The following PTK2 variants were observed in gnomAD, a reference collection of about 807,000 sequenced individuals.
The protein encoded by PTK2 is protein tyrosine kinase 2.
In PTK2, 45 loss-of-function variants were observed where a neutral mutation model predicts 150.1. That is an observed-to-expected ratio of 0.30 (90% CI 0.24 to 0.38). The LOEUF (loss-of-function observed/expected upper bound fraction) is 0.38. PTK2 is among the 10% of genes least tolerant of loss of function. The pLI is 1.00. For missense variants in PTK2, 919 were observed against 1,307.3 expected (o/e 0.70, Z 4.58); for synonymous variants, 432 against 449.2 (o/e 0.96, Z 0.48).
intron 1 of PTK2, among the ~76,000 whole-genome samples, chr8:140,959,839 C>T (rs1426857068): frequency 6.6e-6 from 1 of 151,682 alleles, no homozygotes; most frequent in Non-Finnish European, 1.5e-5. Flanking sequence ...CTGCCCCCCA[C>T]CACCCTCCTT....
At chr8:140,933,682 T>C (rs568946453) in intron 1 of PTK2, among the ~76,000 whole-genome samples, 27 of 152,298 alleles carry the variant, frequency 1.8e-4, no homozygotes, top group Admixed American at 1.6e-3. Flanking sequence ...TTATATAAAA[T>C]GTCCAGAATA....
At chr8:140,696,507 T>C (rs979723650) in intron 26 of PTK2, among the ~76,000 whole-genome samples, 1 of 152,168 alleles carries the variant, frequency 6.6e-6, no homozygotes, top group Non-Finnish European at 1.5e-5. Flanking sequence ...GAACTCCTAC[T>C]ATTCATAGGA....
intron 14 of PTK2, among the ~76,000 whole-genome samples, chr8:140,769,831 T>C (rs1036012576): frequency 2.0e-5 from 3 of 152,232 alleles, no homozygotes; most frequent in African/African-American, 7.2e-5. Context: ...TGTCAATGTA[T>C]TACATGAAGT....
intron 2 of PTK2, chr8:140,920,942 G>GCACACAA: frequency 6.8e-7 from 1 of 1,467,838 alleles, no homozygotes; most frequent in South Asian, 1.3e-5. Flanking sequence ...ATCAAGCCAG[G>GCACACAA]AGTCTGCACA....
At chr8:140,665,255 C>T (rs550060013) in intron 30 of PTK2, among the ~76,000 whole-genome samples, 81 of 152,204 alleles carry the variant, frequency 5.3e-4, no homozygotes, top group African/African-American at 1.8e-3. Context: ...CACACAGATG[C>T]TGAGGGTGGA....
At chr8:140,947,118 C>A (rs1042431753) in intron 1 of PTK2, among the ~76,000 whole-genome samples, 1 of 152,106 alleles carries the variant, frequency 6.6e-6, no homozygotes, top group African/African-American at 2.4e-5. Context: ...CTCAGTTGAA[C>A]CACAACACTC....
intron 7 of PTK2, among the ~76,000 whole-genome samples, chr8:140,844,454 A>G (rs180892926): frequency 2.0e-4 from 31 of 152,252 alleles, no homozygotes; most frequent in Admixed American, 1.8e-3. Flanking sequence ...TCAAGTATCT[A>G]TATTACTATG....
In PTK2 at chr8:140,902,924, G is replaced by GTTTTTTGT. The variant is rs2100159140; in HGVS notation, c.-32-12156_-32-12155insACAAAAAA. ...TTGCCTGTTCACTCTGATGAGAGTTGTTTTTTTTTTTTTTTTTTTTTTTTT... is the reference window on the plus strand; with the variant it reads ...TTGCCTGTTCACTCTGATGAGAGTTGTTTTTTGTTTTTTTTTTTTTTTTTTTTTTTTTT... On this transcript the variant is annotated intron_variant, in intron 2 of 31. Transcript: ENST00000522684. Among the ~76,000 whole-genome samples, 12 of 58,964 alleles carry GTTTTTTGT rather than the reference G, an allele frequency of 2.0e-4. 2 individuals carry two copies. The highest frequency in any genetic ancestry group is 3.4e-4 in the Non-Finnish European group (9 of 26,334). 38.7% of individuals were successfully genotyped at this position (58,964 alleles called of 152,430 possible).
chr8:140,697,136 GGAAAAAAA>G (rs1331314637), intron 26 of PTK2, among the ~76,000 whole-genome samples: 29 of 43,326 alleles, frequency 6.7e-4, no homozygotes, highest in Non-Finnish European at 9.8e-4. Context: ...CCTGTTTCCG[GGAAAAAAA>G]AAAAAAAAAA....
chr8:140,758,621 C>G (rs2100067316), intron 16 of PTK2, among the ~76,000 whole-genome samples: 1 of 151,506 alleles, frequency 6.6e-6, no homozygotes, highest in African/African-American at 2.4e-5. Flanking sequence ...GTGTTTGTGT[C>G]TTAGTTAAGA....
At chr8:140,782,871 C>T (rs1483640084) in intron 14 of PTK2, among the ~76,000 whole-genome samples, 1 of 152,102 alleles carries the variant, frequency 6.6e-6, no homozygotes, top group African/African-American at 2.4e-5. Flanking sequence ...GGGAAAAAAC[C>T]TTAATGGAAT....
At chr8:140,707,607 G>GT (rs1387691819) in intron 23 of PTK2, among the ~76,000 whole-genome samples, 4 of 152,130 alleles carry the variant, frequency 2.6e-5, no homozygotes, top group African/African-American at 7.2e-5. Context: ...GTTTTGCCAT[G>GT]TTGGCCAGGC....
chr8:140,775,939 C>T (rs146589587), intron 14 of PTK2, among the ~76,000 whole-genome samples: 11 of 152,328 alleles, frequency 7.2e-5, no homozygotes, highest in Non-Finnish European at 1.6e-4. Context: ...ACCTAAACCA[C>T]TAAAATATTA....
At chr8:140,862,929 A>C (rs1445191192) in intron 5 of PTK2, among the ~76,000 whole-genome samples, 1 of 152,198 alleles carries the variant, frequency 6.6e-6, no homozygotes, top group Non-Finnish European at 1.5e-5. Flanking sequence ...GTAAAGCAGC[A>C]GGCCCCAACC....
chr8:140,692,635 A>G (rs967528443), intron 26 of PTK2, among the ~76,000 whole-genome samples: 5 of 120,788 alleles, frequency 4.1e-5, no homozygotes, highest in African/African-American at 1.2e-4. Flanking sequence ...ACAAAAACAA[A>G]CAAGCCAAAA....
At chr8:140,979,859 T>TG (rs2100190747) in intron 1 of PTK2, among the ~76,000 whole-genome samples, 3 of 152,354 alleles carry the variant, frequency 2.0e-5, no homozygotes, top group Admixed American at 2.0e-4. Context: ...ACCATGATTG[T>TG]GGGGCCTCCC....
chr8:140,920,518 A>AG (rs1223047891), intron 2 of PTK2, among the ~76,000 whole-genome samples: 2 of 152,202 alleles, frequency 1.3e-5, no homozygotes, highest in Admixed American at 1.3e-4. Flanking sequence ...TCCATATTAC[A>AG]GAATACAGAT....
intron 1 of PTK2, among the ~76,000 whole-genome samples, chr8:140,960,231 C>T (rs2100182682): frequency 1.7e-5 from 2 of 118,416 alleles, no homozygotes; most frequent in Non-Finnish European, 3.2e-5. Flanking sequence ...CGGAGTCTCA[C>T]TCTGTCACCC....
intron 1 of PTK2, among the ~76,000 whole-genome samples, chr8:140,964,967 C>T (rs1459150972): frequency 6.6e-6 from 1 of 152,124 alleles, no homozygotes; most frequent in Non-Finnish European, 1.5e-5. Context: ...AATGGCTTTA[C>T]AGAATTTTGA....
Sources: gnomAD v4.1 joint callset for allele counts (sites outside exome capture counted in the v4.1 genomes callset) on GRCh38, gnomAD v4.1.1 for gene constraint, MANE v1.5 for transcripts, NCBI Gene and HGNC (gene_info 2026-07-23, HGNC 2026-07-21) for gene names.